Variants in ZNF614 observed in about 807,000 individuals in gnomAD.
ZNF614 encodes zinc finger protein 614.
In ZNF614, 11 loss-of-function variants were observed where a neutral mutation model predicts 12.8. The observed-to-expected ratio is 0.86, with a 90% CI of 0.54 to 1.43. The LOEUF is 1.43. ZNF614 is among the 40% of genes most tolerant of loss of function. The pLI, the probability that ZNF614 is intolerant of heterozygous loss-of-function variation, is 0.00. For missense variants in ZNF614, 664 were observed against 708.8 expected, an observed-to-expected ratio of 0.94 and a Z score of 0.72; for synonymous variants, 237 against 237.5, an observed-to-expected ratio of 1.00 and a Z score of 0.02.
At position 52,016,055 on chromosome 19, in the gene ZNF614, C is replaced by T; in HGVS notation, c.1543G>A (p.Glu515Lys). ...TTTGTGGTGAAGGCTTTTCCACATT[C>T]ATTGCACTCATAAGGTTTCTCTCCT... ...HTGEKPYECN[E>K]CGKAFTTKSV... Residue 515 changes from glutamate (E) to lysine (K), a missense_variant, in exon 5 of 5, where the codon GAA (glutamate) becomes AAA (lysine). Glu to Lys is a moderately conservative substitution (Grantham distance 56). Transcript: ENST00000270649. 6.2e-7 allele frequency: 1 copy of T among 1,614,174 alleles called. No homozygotes were observed. The highest frequency in any genetic ancestry group is 8.5e-7 in the Non-Finnish European group (1 of 1,180,032).
Position 52,016,035 on chromosome 19 carries a change from G to T in ZNF614, c.1563C>A (p.Thr521=). 1 of 1,614,166 alleles carries T rather than the reference G, an allele frequency of 6.2e-7. No homozygotes were observed. Among genetic ancestry groups the T allele is most frequent in the Non-Finnish European group, 8.5e-7 (1 of 1,180,018 alleles). ...YECNECGKAF[T]TKSVLNVHQR... Reference sequence around the variant, plus strand: ...GATGTACATTGAGTACTGACTTTGTGGTGAAGGCTTTTCCACATTCATTGC... The same window carrying T: ...GATGTACATTGAGTACTGACTTTGTTGTGAAGGCTTTTCCACATTCATTGC... Residue 521 remains threonine (T), a synonymous_variant, in exon 5 of 5, where the codon ACC becomes ACA. Coordinates refer to ENST00000270649, the MANE Select transcript of ZNF614 (RefSeq NM_025040.4).
intron 2 of ZNF614, among the ~76,000 whole-genome samples, chr19:52,021,004 G>A (rs1006390260): frequency 2.0e-5 from 3 of 152,202 alleles, no homozygotes; most frequent in Non-Finnish European, 4.4e-5. Context: ...AAAGTGACAA[G>A]ATGCCACTTT....
intron 1 of ZNF614, among the ~76,000 whole-genome samples, chr19:52,026,511 C>T (rs1600040836): frequency 6.6e-6 from 1 of 152,300 alleles, no homozygotes; most frequent in East Asian, 1.9e-4. Context: ...TGCGGAAGGC[C>T]GCGGGGACCT....
intron 1 of ZNF614, among the ~76,000 whole-genome samples, chr19:52,026,175 GA>G (rs1295119977): frequency 6.6e-6 from 1 of 152,240 alleles, no homozygotes; most frequent in African/African-American, 2.4e-5. Flanking sequence ...TGGGAAAGCA[GA>G]ACCAGCACAG....
chr19:52,022,926 A>G (rs1402372917), intron 2 of ZNF614, among the ~76,000 whole-genome samples: 1 of 151,686 alleles, frequency 6.6e-6, no homozygotes, highest in Non-Finnish European at 1.5e-5. Flanking sequence ...CAAGAGTACA[A>G]AAAATTAGCC....
chr19:52,018,292 G>A, intron 3 of ZNF614, 76 bp downstream of exon 3: 8 of 1,606,090 alleles, frequency 5.0e-6, no homozygotes, highest in Non-Finnish European at 6.8e-6. Flanking sequence ...TGACTGTAAA[G>A]CTTTGATTAG....
rs60676118 is a variant in ZNF614, at chr19:52,023,092, GA to G, written c.15+2638del. Among the ~76,000 whole-genome samples the G allele has an allele frequency of 4.4e-3, 458 of 104,836 alleles. 3 individuals are homozygous for G. Among genetic ancestry groups the G allele is most frequent in the East Asian group, 9.2e-3 (31 of 3,358 alleles). The allele number at this position is 104,836 out of a possible 152,430, so 68.8% of individuals were successfully genotyped here. A position where few individuals can be genotyped will look rare whatever the true frequency, so the allele number is the denominator to read the frequency against. The stretch of plus-strand genomic sequence containing the variant: ...AGACGCCATCTCAAAAAAAAAAAAA[GA>G]AAAAAAAAAAAAGAAAAAAACTCAC... On this transcript the variant is annotated intron_variant, in intron 2 of 4. Coordinates refer to ENST00000270649, the MANE Select transcript of ZNF614 (RefSeq NM_025040.4).
chr19:52,016,969 C>T lies in ZNF614; in HGVS notation c.629G>A (p.Cys210Tyr), dbSNP rs1447644088. The T allele has an allele frequency of 3.1e-6, 5 of 1,613,888 alleles. No homozygotes were observed. The highest frequency in any genetic ancestry group is 1.7e-4 in the Middle Eastern group (1 of 6,060). ...KIEKPHACIE[C>Y]EQTFLRKSQL... Reference sequence around the variant, plus strand: ...AGACTTCCTAAGGAAGGTTTGCTCACATTCAATGCATGCATGGGGTTTCTC... The same window carrying T: ...AGACTTCCTAAGGAAGGTTTGCTCATATTCAATGCATGCATGGGGTTTCTC... Residue 210 changes from cysteine (C) to tyrosine (Y), a missense_variant, in exon 5 of 5, where the codon TGT becomes TAT. Physicochemically the swap from Cys to Tyr is radical, Grantham distance 194 (BLOSUM62 -2). Transcript: ENST00000270649.
Position 52,017,155 on chromosome 19 carries a change from C to T in ZNF614, c.443G>A (p.Arg148Lys). The T allele has an allele frequency of 1.9e-6, 3 of 1,614,190 alleles. No individual in the cohort carries two copies. The highest frequency in any genetic ancestry group is 2.5e-6 in the Non-Finnish European group (3 of 1,180,020). ...AACAGGGTTATTTATTCCATGTCTT[C>T]TCTTCTGGTTGATTAAACTTAAACT... ...KSSLSLINQKRRHGINNPVEF... is the reference protein window; with the variant it reads ...KSSLSLINQKKRHGINNPVEF... The change falls in exon 5 of 5, where the codon AGA (arginine) becomes AAA (lysine). Residue 148 changes from arginine to lysine, a missense_variant. By Grantham distance (26) the Arg-to-Lys change is conservative (BLOSUM62 2). Coordinates refer to ENST00000270649, the MANE Select transcript of ZNF614 (RefSeq NM_025040.4).
chr19:52,025,836 T>C lies in ZNF614; in HGVS notation c.-91A>G. 7.1e-7 allele frequency: 1 copy of C among 1,413,774 alleles called. No homozygotes were observed. The highest frequency in any genetic ancestry group is 2.3e-5 in the East Asian group (1 of 43,230). The allele number at this position is 1,413,774 out of a possible 1,614,324, so 87.6% of individuals were successfully genotyped here. A position where few individuals can be genotyped will look rare whatever the true frequency, so the allele number is the denominator to read the frequency against. On this transcript the variant is annotated 5_prime_UTR_variant, in exon 2 of 5. Transcript: ENST00000270649. ...CATGAAGTTTTTGAAGTTTTCCTAG[T>C]CAGAAATATTAGTGTCCACTTAAAG... is the stretch of plus-strand genomic sequence containing the variant.
chr19:52,020,247 C>T (rs984891434), intron 2 of ZNF614, among the ~76,000 whole-genome samples: 2 of 152,202 alleles, frequency 1.3e-5, no homozygotes, highest in Non-Finnish European at 2.9e-5. Context: ...TCAACTCCAG[C>T]GAGCTGGCTA....
In ZNF614 at chr19:52,015,104, A is replaced by C. The variant is rs896839536; in HGVS notation, c.*736T>G. The C allele has an allele frequency of 6.6e-6, 1 of 152,238 alleles. No individual in the cohort carries two copies. The highest frequency in any genetic ancestry group is 2.4e-5 in the African/African-American group (1 of 41,448). The allele number at this position is 152,238 out of a possible 1,614,324, so 9.4% of individuals were successfully genotyped here. The stretch of plus-strand genomic sequence containing the variant: ...ATTAAGGTATCCTGACTGAAAATGC[A>C]CACCAGGTGTATTAGCTGATGTTTA... On this transcript the variant is annotated 3_prime_UTR_variant, in exon 5 of 5. Coordinates refer to ENST00000270649, the MANE Select transcript of ZNF614 (RefSeq NM_025040.4).
In ZNF614 at chr19:52,016,324, T is replaced by A. The variant is rs763664027; in HGVS notation, c.1274A>T (p.Lys425Ile). ...VIHQRTHTGEKSYICNECGKG... is the reference protein window; with the variant it reads ...VIHQRTHTGEISYICNECGKG... ...ACCACATTCATTGCATATGTAAGAT[T>A]TCTCTCCTGTATGAGTTCGCTGATG... The change falls in exon 5 of 5, where the codon AAA becomes ATA. Residue 425 changes from lysine (K) to isoleucine (I), a missense_variant. Physicochemically the swap from Lys to Ile is moderately radical, Grantham distance 102. Coordinates refer to ENST00000270649, the MANE Select transcript of ZNF614 (RefSeq NM_025040.4). The A allele has an allele frequency of 1.9e-6, 3 of 1,609,814 alleles. No homozygotes were observed. The highest frequency in any genetic ancestry group is 2.7e-5 in the African/African-American group (2 of 74,792).
intron 2 of ZNF614, among the ~76,000 whole-genome samples, chr19:52,025,494 T>C (rs1188971680): frequency 6.6e-6 from 1 of 152,152 alleles, no homozygotes; most frequent in Non-Finnish European, 1.5e-5. Context: ...CAGCTAATTT[T>C]TGTATTTTTT....
chr19:52,022,475 C>T (rs1381560302), intron 2 of ZNF614, among the ~76,000 whole-genome samples: 3 of 152,194 alleles, frequency 2.0e-5, no homozygotes, highest in Non-Finnish European at 2.9e-5. Context: ...GGCTGCTGTG[C>T]GACCCTCCAA....
intron 1 of ZNF614, among the ~76,000 whole-genome samples, chr19:52,027,124 C>T (rs2086980681): frequency 6.6e-6 from 1 of 152,222 alleles, no homozygotes; most frequent in African/African-American, 2.4e-5. Flanking sequence ...TCTCATCCCA[C>T]CTGACAAGAA....
chr19:52,018,615 C>G, intron 2 of ZNF614, 121 bp from the exon 3 acceptor site: 1 of 1,095,126 alleles, frequency 9.1e-7, no homozygotes, highest in Non-Finnish European at 1.3e-6. Context: ...CTCAAATATA[C>G]TTTGGTAGGA....
chr19:52,016,733 A>G lies in ZNF614; in HGVS notation c.865T>C (p.Cys289Arg), dbSNP rs2086900434. 1 of 1,614,180 alleles carries G rather than the reference A, an allele frequency of 6.2e-7. No individual in the cohort carries two copies. Among genetic ancestry groups the G allele is most frequent in the Non-Finnish European group, 8.5e-7 (1 of 1,180,044 alleles). ...QTHTEEKSYM[C>R]SECGKGFTMK... is the part of the protein sequence containing the mutation. ...GTAAAGCCCTTTCCACACTCACTGCACATATAGGATTTCTCTTCTGTATGG... is the reference window on the plus strand; with the variant it reads ...GTAAAGCCCTTTCCACACTCACTGCGCATATAGGATTTCTCTTCTGTATGG... Residue 289 changes from cysteine (C) to arginine (R), a missense_variant, in exon 5 of 5, where the codon TGC becomes CGC. Cys to Arg is a radical substitution (Grantham distance 180, BLOSUM62 -3). Coordinates refer to ENST00000270649, the MANE Select transcript of ZNF614 (RefSeq NM_025040.4).
chr19:52,020,595 GA>G (rs1364535409), intron 2 of ZNF614, among the ~76,000 whole-genome samples: 2 of 152,144 alleles, frequency 1.3e-5, no homozygotes, highest in African/African-American at 4.8e-5. Flanking sequence ...ACAGTTTATT[GA>G]AGCATTGCCC....
Sources: gnomAD v4.1 joint callset for allele counts (sites outside exome capture counted in the v4.1 genomes callset) on GRCh38, gnomAD v4.1.1 for gene constraint, MANE v1.5 for transcripts, NCBI Gene and HGNC (gene_info 2026-07-23, HGNC 2026-07-21) for gene names.